Variants in DSC3 observed in about 807,000 individuals in gnomAD.
DSC3 encodes desmocollin-3.
A neutral mutation model predicts 89.5 loss-of-function variants in DSC3; 97 were observed. That is an observed-to-expected ratio of 1.08 (90% confidence interval 0.92 to 1.28). DSC3 has a LOEUF of 1.28. Among genes scored for constraint, DSC3 ranks in the 50% most tolerant of loss-of-function variants. The pLI is 0.00. For missense variants in DSC3, 1,199 were observed against 1,085.3 expected (o/e 1.10, Z -1.47); for synonymous variants, 436 against 384.1 (o/e 1.14, Z -1.58).
intron 2 of DSC3, among the ~76,000 whole-genome samples, chr18:31,031,837 A>G (rs1985801313): frequency 6.6e-6 from 1 of 152,210 alleles, no homozygotes; most frequent in Admixed American, 6.5e-5. Flanking sequence ...CATCCATGCC[A>G]TTCTTCAACT....
At position 30,991,597 on chromosome 18, in the gene DSC3, G is replaced by A. The variant is rs1984244191; in HGVS notation, c.*2578C>T. ...TTATCGGCACTAGTAAAGTCTTGGG[G>A]AGGTAGCAGGTTTTGATCGGTGAGT... On this transcript the variant is annotated 3_prime_UTR_variant, in exon 16 of 16. Transcript: ENST00000360428. The A allele has an allele frequency of 6.6e-6, 1 of 152,188 alleles. No homozygotes were observed. The highest frequency in any genetic ancestry group is 2.1e-4 in the South Asian group (1 of 4,818). The allele number at this position is 152,188 out of a possible 1,614,324, so 9.4% of individuals were successfully genotyped here.
At chr18:31,023,295 C>T (rs2144717881) in intron 6 of DSC3, among the ~76,000 whole-genome samples, 1 of 152,220 alleles carries the variant, frequency 6.6e-6, no homozygotes, top group Non-Finnish European at 1.5e-5. Context: ...ACTCCTTTTA[C>T]AAGTAAGAAA....
At chr18:31,015,952 C>T (rs566520383) in intron 9 of DSC3, among the ~76,000 whole-genome samples, 1 of 152,074 alleles carries the variant, frequency 6.6e-6, no homozygotes, top group Non-Finnish European at 1.5e-5. Flanking sequence ...TCAGTTAAAC[C>T]AAGAAGATGA....
intron 3 of DSC3, 134 bp from the exon 4 acceptor site, chr18:31,029,762 C>G: frequency 9.0e-7 from 1 of 1,116,458 alleles, no homozygotes; most frequent in Non-Finnish European, 1.3e-6. Flanking sequence ...TGGAGCTAAA[C>G]CAGTTAATAA....
At chr18:31,001,886 T>C in intron 13 of DSC3, 147 bp from the exon 14 acceptor site, 1 of 631,226 alleles carries the variant, frequency 1.6e-6, no homozygotes, top group South Asian at 2.8e-5. Context: ...TGTTCTAAGT[T>C]AACATGTCAC....
At position 30,993,876 on chromosome 18, in the gene DSC3, C is replaced by A. The variant is rs1598593782; in HGVS notation, c.*299G>T. 2 of 277,084 alleles carry A rather than the reference C, an allele frequency of 7.2e-6. No homozygotes were observed. Among genetic ancestry groups the A allele is most frequent in the African/African-American group, 2.3e-5 (1 of 44,416 alleles). The allele number at this position is 277,084 out of a possible 1,614,324, so 17.2% of individuals were successfully genotyped here. A position where few individuals can be genotyped will look rare whatever the true frequency, so the allele number is the denominator to read the frequency against. On this transcript the variant is annotated 3_prime_UTR_variant, in exon 16 of 16. Transcript: ENST00000360428. ...TTAGCATAACTTAGCTATTGTTGGA[C>A]TAATATTTATCCAGCATATTTATTA...
At position 31,004,343 on chromosome 18, in the gene DSC3, G is replaced by T; in HGVS notation, c.1912C>A (p.Gln638Lys). 1 of 1,613,836 alleles carries T rather than the reference G, an allele frequency of 6.2e-7. No homozygotes were observed. Among genetic ancestry groups the T allele is most frequent in the Non-Finnish European group, 8.5e-7 (1 of 1,179,870 alleles). Reference protein sequence around the residue: ...VNDTAARLSYQKNAGFQEYTI... With the variant: ...VNDTAARLSYKKNAGFQEYTI... ...TATTCTTGAAATCCAGCATTTTTCTGATATGAAAGACGGGCAGCTGTATCT... is the reference window on the plus strand; with the variant it reads ...TATTCTTGAAATCCAGCATTTTTCTTATATGAAAGACGGGCAGCTGTATCT... Residue 638 changes from glutamine to lysine, a missense_variant, in exon 13 of 16, where the codon CAG becomes AAG. Gln to Lys is a moderately conservative substitution (Grantham distance 53). Transcript: ENST00000360428.
rs1472573212 is a variant in DSC3, at chr18:30,991,202, TAAAACATTGC to T, written c.*2963_*2972del. On this transcript the variant is annotated 3_prime_UTR_variant, in exon 16 of 16. Transcript: ENST00000360428. The stretch of plus-strand genomic sequence containing the variant: ...TTAATAGCAATACTAAAACTCTGTT[TAAAACATTGC>T]AAAACAAACCCCACTGCATTTTAGA... 6.6e-6 allele frequency: 1 copy of T among 152,648 alleles called. No homozygotes were observed. Among genetic ancestry groups the T allele is most frequent in the East Asian group, 1.9e-4 (1 of 5,202 alleles). 9.5% of individuals were successfully genotyped at this position (152,648 alleles called of 1,614,324 possible). A position where few individuals can be genotyped will look rare whatever the true frequency, so the allele number is the denominator to read the frequency against.
At position 31,031,100 on chromosome 18, in the gene DSC3, T is replaced by C; in HGVS notation, c.227A>G (p.Asp76Gly). 2 of 1,613,934 alleles carry C rather than the reference T, an allele frequency of 1.2e-6. No individual in the cohort carries two copies. Among genetic ancestry groups the C allele is most frequent in the South Asian group, 2.2e-5 (2 of 90,978 alleles). The change falls in exon 3 of 16, where the codon GAT becomes GGT. Residue 76 changes from aspartate to glycine, a missense_variant. Physicochemically the swap from Asp to Gly is moderately conservative, Grantham distance 94 (BLOSUM62 -1). Coordinates refer to ENST00000360428, the MANE Select transcript of DSC3 (RefSeq NM_001941.5). ...SSDPDFRVLNDGSVYTARAVA... is the reference protein window; with the variant it reads ...SSDPDFRVLNGGSVYTARAVA... ...AGCCCTGGCTGTGTACACTGACCCA[T>C]CATTTAGAACTCTGAAATCAGGATC...
At chr18:30,996,373 T>C (rs1382347107) in intron 15 of DSC3, among the ~76,000 whole-genome samples, 5 of 152,252 alleles carry the variant, frequency 3.3e-5, no homozygotes, top group East Asian at 3.9e-4. Context: ...TAAAAATATA[T>C]ATAAATCATG....
chr18:31,025,390 A>G (rs996986645), intron 5 of DSC3, among the ~76,000 whole-genome samples: 19 of 152,160 alleles, frequency 1.2e-4, no homozygotes, highest in African/African-American at 4.3e-4. Flanking sequence ...CAGTATAGAT[A>G]CAGGATTCTT....
chr18:31,027,470 T>C (rs1985636801), intron 4 of DSC3, among the ~76,000 whole-genome samples: 1 of 150,604 alleles, frequency 6.6e-6, no homozygotes, highest in African/African-American at 2.5e-5. Flanking sequence ...TTGGTTTCCT[T>C]CCTTCCTTCC....
In DSC3 at chr18:31,024,408, T is replaced by C. The variant is rs35630063; in HGVS notation, c.716A>G (p.Asn239Ser). 0.019 allele frequency: 29,852 copies of C among 1,609,522 alleles called. 336 individuals are homozygous for C. Among genetic ancestry groups the C allele is most frequent in the Non-Finnish European group, 0.021 (24,891 of 1,176,748 alleles). Residue 239 changes from asparagine to serine, a missense_variant, in exon 6 of 16, where the codon AAC becomes AGC. Asn to Ser is a conservative substitution (Grantham distance 46). Transcript: ENST00000360428. ...LPIRVEDEND[N>S]HPVFTEAIYN... is the part of the protein sequence containing the mutation. ...AATTGCTTCTGTGAAAACAGGGTGG[T>C]TGTCATTTTCATCCTCTACCCTGAT...
intron 1 of DSC3, among the ~76,000 whole-genome samples, chr18:31,032,609 CGTGTGT>C (rs1414966347): frequency 9.7e-6 from 1 of 102,662 alleles, no homozygotes; most frequent in Admixed American, 9.7e-5. Flanking sequence ...TGTGCGTGTG[CGTGTGT>C]GACTGAGTCT....
In DSC3 at chr18:31,030,876, G is replaced by C. The variant is rs924523090; in HGVS notation, c.354+97C>G. On this transcript the variant is annotated intron_variant, in intron 3 of 15. Coordinates refer to ENST00000360428, the MANE Select transcript of DSC3 (RefSeq NM_001941.5). ...AAAGGAAACAAAATGAAAACAAAAG[G>C]GGAAAATACCCTATTTATCCTTGTT... The C allele has an allele frequency of 7.2e-6, 8 of 1,117,526 alleles. No individual in the cohort carries two copies. The East Asian group carries it at 7.7e-5, about 11-fold the overall frequency. 69.2% of individuals were successfully genotyped at this position (1,117,526 alleles called of 1,614,324 possible).
chr18:31,020,267 T>G (rs1985373606), intron 7 of DSC3, among the ~76,000 whole-genome samples: 1 of 152,016 alleles, frequency 6.6e-6, no homozygotes, highest in Non-Finnish European at 1.5e-5. Flanking sequence ...GGCTGCAGGA[T>G]GAGAAGAGCC....
chr18:31,023,410 T>C (rs1233482115), intron 6 of DSC3, among the ~76,000 whole-genome samples: 1 of 152,162 alleles, frequency 6.6e-6, no homozygotes, highest in Non-Finnish European at 1.5e-5. Flanking sequence ...CTGTGTGTAT[T>C]CCATAACATC....
chr18:31,008,468 C>T lies in DSC3; in HGVS notation c.1321G>A (p.Ala441Thr), dbSNP rs1212344002. The T allele has an allele frequency of 2.5e-6, 4 of 1,614,060 alleles. No individual in the cohort carries two copies. In the South Asian group the frequency reaches 3.3e-5, roughly 13 times the overall value. ...VNLEIGVNNE[A>T]PFARDIPRVT... ...CTGGGAATATCTCTAGCAAATGGCG[C>T]TTCATTGTTTACTCCAATTTCCAGG... The change falls in exon 10 of 16, where the codon GCG (alanine) becomes ACG (threonine). Residue 441 changes from alanine to threonine, a missense_variant. Physicochemically the swap from Ala to Thr is moderately conservative, Grantham distance 58. Coordinates refer to ENST00000360428, the MANE Select transcript of DSC3 (RefSeq NM_001941.5).
chr18:31,042,473 G>A (rs1986165597), intron 1 of DSC3, 119 bp downstream of exon 1: 1 of 1,028,106 alleles, frequency 9.7e-7, no homozygotes. Context: ...CAGACCCGCA[G>A]CATTGATCTG....
Sources: allele counts gnomAD v4.1 joint callset (sites outside exome capture counted in the v4.1 genomes callset), GRCh38; gene constraint gnomAD v4.1.1; transcripts MANE v1.5; gene names NCBI Gene and HGNC (gene_info 2026-07-23, HGNC 2026-07-21).